ARHGAP18: variants seen among roughly 807,000 people sequenced by gnomAD.
ARHGAP18 encodes the protein Rho GTPase activating protein 18.
Under a neutral mutation model 86.2 loss-of-function variants are expected in ARHGAP18, and 67 were observed. The ratio of observed to expected loss-of-function variants is 0.78; its 90% CI spans 0.64 to 0.95. The LOEUF is 0.95. ARHGAP18 is among the 40% of genes least tolerant of loss of function. The pLI, the probability that ARHGAP18 is intolerant of heterozygous loss-of-function variation, is 0.00. For synonymous variants in ARHGAP18, 283 were observed against 280.4 expected (o/e 1.01, Z -0.09); for missense variants, 691 against 780.4 (o/e 0.89, Z 1.37).
intron 1 of ARHGAP18, chr6:129,661,968 G>A: frequency 1.0e-6 from 1 of 955,346 alleles, no homozygotes; most frequent in Non-Finnish European, 1.2e-6. Context: ...ACTACCTGGT[G>A]TTGCCACACA....
intron 12 of ARHGAP18, among the ~76,000 whole-genome samples, chr6:129,587,625 G>A (rs1320956131): frequency 2.0e-5 from 3 of 152,118 alleles, no homozygotes; most frequent in Admixed American, 2.0e-4. Context: ...AGCAAAGGGG[G>A]AAAAGCCCCT....
chr6:129,650,725 CTGATG>C (rs1326188302), intron 1 of ARHGAP18, among the ~76,000 whole-genome samples: 5 of 152,312 alleles, frequency 3.3e-5, no homozygotes, highest in African/African-American at 1.2e-4. Flanking sequence ...TACCCTGGAC[CTGATG>C]TTCTTTCTCC....
At chr6:129,699,738 G>A (rs181099559) in intron 1 of ARHGAP18, among the ~76,000 whole-genome samples, 2 of 151,736 alleles carry the variant, frequency 1.3e-5, no homozygotes, top group East Asian at 1.9e-4. Context: ...TCATCCTTTC[G>A]CTAGTTACGT....
In ARHGAP18 at chr6:129,577,251, C is replaced by T. The variant is rs569919863; in HGVS notation, c.*1262G>A. On this transcript the variant is annotated 3_prime_UTR_variant, in exon 15 of 15. Transcript: ENST00000368149. ...CTGTTCTCATTAACAGCATTCCCCC[C>T]CTTCATTAGAGACATCAAGAGCTTC... 6 of 152,256 alleles carry T rather than the reference C, an allele frequency of 3.9e-5. No individual in the cohort carries two copies. In the South Asian group the frequency reaches 1.2e-3, roughly 32 times the overall value. 9.4% of individuals were successfully genotyped at this position (152,256 alleles called of 1,614,324 possible).
intron 1 of ARHGAP18, among the ~76,000 whole-genome samples, chr6:129,658,796 A>G (rs767990995): frequency 3.9e-5 from 6 of 152,342 alleles, no homozygotes; most frequent in Non-Finnish European, 8.8e-5. Flanking sequence ...AACAAATTTA[A>G]AGTCAGTAAC....
intron 12 of ARHGAP18, among the ~76,000 whole-genome samples, chr6:129,590,915 C>A (rs756586266): frequency 2.6e-5 from 4 of 152,096 alleles, no homozygotes; most frequent in Non-Finnish European, 5.9e-5. Context: ...GAGTTTGACT[C>A]AATATGGATA....
At chr6:129,625,292 G>A (rs1183827650) in intron 5 of ARHGAP18, among the ~76,000 whole-genome samples, 1 of 70,666 alleles carries the variant, frequency 1.4e-5, no homozygotes, top group Non-Finnish European at 2.4e-5. Context: ...TAATATATAT[G>A]ATATATGATA....
chr6:129,616,226 A>C lies in ARHGAP18; in HGVS notation c.1030T>G (p.Leu344Val). 6.2e-6 allele frequency: 10 copies of C among 1,611,032 alleles called. No individual in the cohort carries two copies. The highest frequency in any genetic ancestry group is 8.5e-6 in the Non-Finnish European group (10 of 1,178,344). The change falls in exon 7 of 15, where the codon TTG becomes GTG. Residue 344 changes from leucine (L) to valine (V), a missense_variant. Leu to Val is a conservative substitution (Grantham distance 32). Transcript: ENST00000368149. ...AGCCTACCTACTTTTTGAAAGATCA[A>C]GGGTATTCGCATTCCTGGTACTTTC... ...QRKVPGMRIPLIFQKLISRIE... is the reference protein window; with the variant it reads ...QRKVPGMRIPVIFQKLISRIE...
Position 129,641,825 on chromosome 6 carries a change from C to T in ARHGAP18, c.307G>A (p.Glu103Lys). ...TTTAGTTAGTTATTACCATCAGGCT[C>T]TTTGACAACAACCACCTCTTGATCT... ...QEDQEVVVVK[E>K]PDEGELEEEW... Residue 103 changes from glutamate to lysine, a missense_variant, in exon 2 of 15, where the codon GAG becomes AAG. Coordinates refer to ENST00000368149, the MANE Select transcript of ARHGAP18 (RefSeq NM_033515.3). 1 of 1,613,200 alleles carries T rather than the reference C, an allele frequency of 6.2e-7. No homozygotes were observed.
chr6:129,684,015 T>G (rs1401221231), intron 1 of ARHGAP18, among the ~76,000 whole-genome samples: 1 of 152,146 alleles, frequency 6.6e-6, no homozygotes, highest in African/African-American at 2.4e-5. Flanking sequence ...AGGATTGAGT[T>G]GGGGCGTTGA....
intron 1 of ARHGAP18, among the ~76,000 whole-genome samples, chr6:129,649,315 G>A (rs192713963): frequency 9.2e-5 from 14 of 152,264 alleles, no homozygotes; most frequent in Non-Finnish European, 1.8e-4. Context: ...CAGCACTTCG[G>A]GAGGCCGAGG....
At chr6:129,703,974 A>C (rs1200286683) in intron 1 of ARHGAP18, among the ~76,000 whole-genome samples, 1 of 129,032 alleles carries the variant, frequency 7.8e-6, no homozygotes, top group Non-Finnish European at 1.6e-5. Flanking sequence ...TCAACAACAA[A>C]AAAATATATA....
At position 129,600,822 on chromosome 6, in the gene ARHGAP18, T is replaced by C. The variant is rs1428427211; in HGVS notation, c.1392A>G (p.Val464=). The C allele has an allele frequency of 6.2e-7, 1 of 1,612,756 alleles. No individual in the cohort carries two copies. The highest frequency in any genetic ancestry group is 1.7e-5 in the Admixed American group (1 of 59,884). The change falls in exon 11 of 15, where the codon GTA becomes GTG. Residue 464 remains valine (V), a synonymous_variant. Transcript: ENST00000368149. ...TTTTATTTTTTTCTTTATTATCTAT[T>C]ACTCTTTGGAGAAATTCAAGAAGGG... The part of the protein sequence containing the change: ...LKALLEFLQR[V]IDNKEKNKMT...
At chr6:129,676,912 CCTCTTTTT>C (rs869290212) in intron 1 of ARHGAP18, among the ~76,000 whole-genome samples, 14,296 of 103,582 alleles carry the variant, frequency 0.14, 1,221 homozygotes, top group Middle Eastern at 0.18. Flanking sequence ...AATTTTTTGT[CCTCTTTTT>C]TTTTTTTTTT....
chr6:129,589,249 T>G (rs889591971), intron 12 of ARHGAP18, among the ~76,000 whole-genome samples: 4 of 152,206 alleles, frequency 2.6e-5, no homozygotes, highest in Non-Finnish European at 5.9e-5. Flanking sequence ...TTTCCAAACT[T>G]TTATGTTCTG....
intron 7 of ARHGAP18, 86 bp downstream of exon 7, chr6:129,616,126 A>G: frequency 1.8e-6 from 2 of 1,088,778 alleles, no homozygotes; most frequent in Admixed American, 2.6e-5. Context: ...TATGAATTGG[A>G]AAACTGTATT....
At chr6:129,681,075 T>C (rs1212490808) in intron 1 of ARHGAP18, among the ~76,000 whole-genome samples, 3 of 152,206 alleles carry the variant, frequency 2.0e-5, no homozygotes, top group Non-Finnish European at 4.4e-5. Flanking sequence ...GAAGTTTTTT[T>C]TGCTGTTGTT....
intron 3 of ARHGAP18, among the ~76,000 whole-genome samples, chr6:129,637,582 C>T (rs1398423101): frequency 6.6e-6 from 1 of 152,198 alleles, no homozygotes; most frequent in Non-Finnish European, 1.5e-5. Context: ...GAACTCTAAC[C>T]TAACTGGATG....
Position 129,580,122 on chromosome 6 carries a change from G to A in ARHGAP18, c.1848C>T (p.Ala616=), listed in dbSNP as rs1788256832. 3 of 1,613,560 alleles carry A rather than the reference G, an allele frequency of 1.9e-6. No homozygotes were observed. Among genetic ancestry groups the A allele is most frequent in the East Asian group, 2.2e-5 (1 of 44,800 alleles). ...ARFLSQESGV[A]QTLKKGEVFL... ...AAACTTCTCCTTTCTTGAGAGTCTG[G>A]GCAACCCCACTATGAGGGACAAAAC... The change falls in exon 14 of 15, where the codon GCC becomes GCT. Residue 616 remains alanine (A), a synonymous_variant. Transcript: ENST00000368149.
Sources: gnomAD v4.1 joint callset for allele counts (sites outside exome capture counted in the v4.1 genomes callset) on GRCh38, gnomAD v4.1.1 for gene constraint, MANE v1.5 for transcripts, NCBI Gene and HGNC (gene_info 2026-07-23, HGNC 2026-07-21) for gene names.